MCTP2: variants seen among roughly 807,000 people sequenced by gnomAD.
MCTP2 encodes the protein multiple C2 and transmembrane domain-containing protein 2.
Under a neutral mutation model 111.6 loss-of-function variants are expected in MCTP2, and 132 were observed. The ratio of observed to expected loss-of-function variants is 1.18; its 90% CI spans 1.03 to 1.37. The LOEUF (loss-of-function observed/expected upper bound fraction) is 1.37, where lower values mean the gene tolerates loss of function less well. Ranked by LOEUF, MCTP2 falls within the 40% of genes most tolerant of loss-of-function variation. The probability of loss-of-function intolerance (pLI) is 0.00; values close to 1 mark genes in which losing one functional copy is unlikely to be tolerated. For missense variants in MCTP2, 1,183 were observed against 1,067.9 expected, an observed-to-expected ratio of 1.11 and a Z score of -1.50; for synonymous variants, 395 against 387.7, an observed-to-expected ratio of 1.02 and a Z score of -0.22.
chr15:94,470,281 G>A, intron 20 of MCTP2, 52 bp from the exon 21 acceptor site: 1 of 1,231,972 alleles, frequency 8.1e-7, no homozygotes, highest in Non-Finnish European at 1.2e-6. Flanking sequence ...AGTTGACTCT[G>A]TGGCAGTTGT....
At position 94,432,941 on chromosome 15, in the gene MCTP2, A is replaced by G. The variant is rs16949126; in HGVS notation, c.2086-7235A>G. On this transcript the variant is annotated intron_variant, in intron 17 of 22. Transcript: ENST00000357742. ...GCATTCTCTTGGATGTTTACAAGAT[A>G]GTTAATGGCTTGGTTGATTACTTAA... Among the ~76,000 whole-genome samples, 930 of 152,332 alleles carry G rather than the reference A, an allele frequency of 6.1e-3. 6 individuals are homozygous for G. Among genetic ancestry groups the G allele is most frequent in the African/African-American group, 0.02 (852 of 41,578 alleles).
chr15:94,343,470 C>CT (rs2077776609), intron 7 of MCTP2: 1 of 151,976 alleles, frequency 6.6e-6, no homozygotes, highest in Non-Finnish European at 1.5e-5. Flanking sequence ...GCCTTTGTTG[C>CT]TTTAGAACCA....
At chr15:94,456,821 T>C (rs2084865545) in intron 19 of MCTP2, among the ~76,000 whole-genome samples, 1 of 152,168 alleles carries the variant, frequency 6.6e-6, no homozygotes, top group Non-Finnish European at 1.5e-5. Context: ...CATTCTAGCC[T>C]CTGTTCTTCC....
intron 2 of MCTP2, among the ~76,000 whole-genome samples, chr15:94,303,599 A>T (rs1210465606): frequency 6.6e-6 from 1 of 152,148 alleles, no homozygotes; most frequent in Admixed American, 6.5e-5. Context: ...ATCTCATGAG[A>T]CCCATTCACT....
chr15:94,382,116 G>C (rs944692624), intron 12 of MCTP2, among the ~76,000 whole-genome samples: 3 of 152,218 alleles, frequency 2.0e-5, no homozygotes, highest in Non-Finnish European at 4.4e-5. Flanking sequence ...CATCGGTCTT[G>C]AGTGAGGCAA....
chr15:94,373,697 G>A (rs1021078108), intron 12 of MCTP2, among the ~76,000 whole-genome samples: 4 of 152,146 alleles, frequency 2.6e-5, no homozygotes, highest in East Asian at 3.9e-4. Flanking sequence ...ATTGGTAAAA[G>A]CTATTTTTTC....
At chr15:94,269,723 C>T (rs958399771) in intron 1 of MCTP2, among the ~76,000 whole-genome samples, 2 of 152,026 alleles carry the variant, frequency 1.3e-5, no homozygotes, top group Non-Finnish European at 2.9e-5. Context: ...GAATATTTTC[C>T]ACAGAGCCTA....
chr15:94,385,613 C>G lies in MCTP2; in HGVS notation c.1788+88C>G, dbSNP rs533246751. 1.0e-4 allele frequency: 93 copies of G among 902,162 alleles called. 2 individuals are homozygous for G. In the East Asian group the frequency reaches 1.7e-3, roughly 16 times the overall value. The allele number at this position is 902,162 out of a possible 1,614,324, so 55.9% of individuals were successfully genotyped here. A position where few individuals can be genotyped will look rare whatever the true frequency, so the allele number is the denominator to read the frequency against. ...CTAGAGTTGCTTTATCTTTGTCAAC[C>G]TGGGGGAAAAAAATCCTCCTAACTA... On this transcript the variant is annotated intron_variant, in intron 14 of 22. Transcript: ENST00000357742.
At chr15:94,462,072 C>T (rs1435623848) in intron 20 of MCTP2, among the ~76,000 whole-genome samples, 1 of 152,128 alleles carries the variant, frequency 6.6e-6, no homozygotes, top group Non-Finnish European at 1.5e-5. Flanking sequence ...TTTCATTTCC[C>T]TGGGAAGAAG....
At chr15:94,431,620 G>A (rs761429447) in intron 17 of MCTP2, among the ~76,000 whole-genome samples, 4 of 152,234 alleles carry the variant, frequency 2.6e-5, no homozygotes, top group Non-Finnish European at 5.9e-5. Flanking sequence ...TTGAGAAGGG[G>A]CTACTTATTG....
chr15:94,334,287 A>C (rs1277329517), intron 4 of MCTP2, among the ~76,000 whole-genome samples: 2 of 152,366 alleles, frequency 1.3e-5, no homozygotes, highest in African/African-American at 4.8e-5. Context: ...AAAGTTATAT[A>C]GTTAGTAAAA....
At position 94,479,001 on chromosome 15, in the gene MCTP2, C is replaced by T. The variant is rs1381073314; in HGVS notation, c.2604C>T (p.His868=). The T allele has an allele frequency of 1.9e-6, 3 of 1,614,126 alleles. No individual in the cohort carries two copies. In the Admixed American group the frequency reaches 5.0e-5, roughly 27 times the overall value. ...CAGAATTGAAACTCTGCAGCAGCCA[C>T]AGCCCCCTGCGGAAGAAGCGCAGCG... The part of the protein sequence containing the change: ...QYAELKLCSS[H]SPLRKKRSAL Residue 868 remains histidine (H), a synonymous_variant, in exon 23 of 23, where the codon CAC becomes CAT. Transcript: ENST00000357742.
chr15:94,382,648 C>T (rs1330084717), intron 12 of MCTP2, among the ~76,000 whole-genome samples: 4 of 152,242 alleles, frequency 2.6e-5, no homozygotes, highest in South Asian at 2.1e-4. Flanking sequence ...GGTTATTAAG[C>T]GAATTAGATG....
intron 20 of MCTP2, among the ~76,000 whole-genome samples, chr15:94,464,927 A>C (rs746846848): frequency 4.6e-4 from 70 of 152,056 alleles, no homozygotes; most frequent in Non-Finnish European, 8.5e-4. Flanking sequence ...AAAGTAGATC[A>C]TTGGATACAT....
intron 20 of MCTP2, among the ~76,000 whole-genome samples, chr15:94,459,702 A>G (rs899843232): frequency 1.2e-4 from 18 of 152,350 alleles, no homozygotes; most frequent in Middle Eastern, 3.4e-3. Flanking sequence ...TGAGGAGGGC[A>G]TCATAATTCT....
chr15:94,275,857 T>TC (rs1270642800), intron 1 of MCTP2, among the ~76,000 whole-genome samples: 1 of 150,858 alleles, frequency 6.6e-6, no homozygotes, highest in East Asian at 1.9e-4. Context: ...TTTTTTTTTT[T>TC]TTTTTTGAGA....
intron 1 of MCTP2, chr15:94,232,028 C>CT (rs1485434091): frequency 1.3e-5 from 2 of 152,310 alleles, no homozygotes; most frequent in Non-Finnish European, 1.5e-5. Flanking sequence ...GCTGGGTGGG[C>CT]TTTAATACGC....
intron 4 of MCTP2, among the ~76,000 whole-genome samples, chr15:94,333,522 C>T (rs2077223015): frequency 6.6e-6 from 1 of 151,632 alleles, no homozygotes; most frequent in South Asian, 2.1e-4. Context: ...AACAATTGTT[C>T]TTGAGCTGTT....
At chr15:94,282,060 A>G (rs1453402069) in intron 1 of MCTP2, among the ~76,000 whole-genome samples, 35 of 152,124 alleles carry the variant, frequency 2.3e-4, no homozygotes, top group Admixed American at 2.3e-3. Context: ...GGTTCTATGA[A>G]TTTCCTGAGT....
Sources: allele counts gnomAD v4.1 joint callset (sites outside exome capture counted in the v4.1 genomes callset), GRCh38; gene constraint gnomAD v4.1.1; transcripts MANE v1.5; gene names NCBI Gene and HGNC (gene_info 2026-07-23, HGNC 2026-07-21).